Variants in VWF observed in about 807,000 individuals in gnomAD.
VWF encodes von Willebrand factor, also known as Factor VIII related antigen.
In VWF, 176 loss-of-function variants were observed where a neutral mutation model predicts 308.6. The ratio of observed to expected loss-of-function variants is 0.57; its 90% CI spans 0.50 to 0.65. The LOEUF (loss-of-function observed/expected upper bound fraction) is 0.65, where lower values mean the gene tolerates loss of function less well. Ranked by LOEUF, VWF falls within the 30% of genes least tolerant of loss-of-function variation. VWF has a pLI of 0.00. For synonymous variants in VWF, 1,385 were observed against 1,443.4 expected, an observed-to-expected ratio of 0.96 and a Z score of 0.92; for missense variants, 3,146 against 3,648.2, an observed-to-expected ratio of 0.86 and a Z score of 3.55.
At chr12:5,949,647 A>T (rs1489817134) in intron 51 of VWF, 139 bp downstream of exon 51, 2 of 781,244 alleles carry the variant, frequency 2.6e-6, no homozygotes, top group Non-Finnish European at 2.0e-6. Context: ...ACATTTGCTT[A>T]AAAAAAAATG....
chr12:6,010,345 G>A lies in VWF; in HGVS notation c.5842+1272C>T, dbSNP rs374520373. 3.9e-5 allele frequency among the ~76,000 whole-genome samples: 6 copies of A among 152,250 alleles called. No homozygotes were observed. The East Asian group carries it at 5.8e-4, about 15-fold the overall frequency. On this transcript the variant is annotated intron_variant, in intron 34 of 51. Transcript: ENST00000261405. Reference sequence around the variant, plus strand: ...AAAACTGTAACAACACACTCAGCAAGGCCGTGGAGATGCATGCACTCTCAT... The same window carrying A: ...AAAACTGTAACAACACACTCAGCAAAGCCGTGGAGATGCATGCACTCTCAT...
intron 18 of VWF, among the ~76,000 whole-genome samples, chr12:6,039,291 C>T (rs2136435032): frequency 6.6e-6 from 1 of 152,320 alleles, no homozygotes; most frequent in East Asian, 1.9e-4. Flanking sequence ...AGAACGTGGT[C>T]CTACGTGTTG....
rs182040614 is a variant in VWF, at chr12:6,041,377, C to T, written c.2442+2914G>A. ...CCTGGGAGGTGGGGGTTGCAGTGAG[C>T]CGAGACCATGCCACTGCACTGCAGC... On this transcript the variant is annotated intron_variant, in intron 18 of 51. Transcript: ENST00000261405. Among the ~76,000 whole-genome samples the T allele has an allele frequency of 2.6e-3, 387 of 151,642 alleles. 2 individuals are homozygous for T. The highest frequency in any genetic ancestry group is 8.8e-3 in the African/African-American group (366 of 41,404).
chr12:6,073,647 C>A lies in VWF; in HGVS notation c.969G>T (p.Glu323Asp). The A allele has an allele frequency of 6.2e-7, 1 of 1,614,162 alleles. No individual in the cohort carries two copies. Among genetic ancestry groups the A allele is most frequent in the Non-Finnish European group, 8.5e-7 (1 of 1,180,040 alleles). The change falls in exon 8 of 52, where the codon GAG becomes GAT. Residue 323 changes from glutamate to aspartate, a missense_variant. Physicochemically the swap from Glu to Asp is conservative, Grantham distance 45 (BLOSUM62 2). Around this residue, in one of 3 missense-constraint regions of VWF, gnomAD observed 1,304 missense variants for 1,353.0 expected, o/e 0.96. Coordinates refer to ENST00000261405, the MANE Select transcript of VWF (RefSeq NM_000552.5). ...GGCAGCTGCAGCCATCCACGCATCGCTCCTGACACATTTCATTGATGTGCA... is the reference window on the plus strand; with the variant it reads ...GGCAGCTGCAGCCATCCACGCATCGATCCTGACACATTTCATTGATGTGCA... The part of the protein sequence containing the change: ...QSLHINEMCQ[E>D]RCVDGCSCPE...
chr12:6,105,256 T>C (rs745599462), intron 5 of VWF, among the ~76,000 whole-genome samples: 33 of 152,062 alleles, frequency 2.2e-4, no homozygotes, highest in Admixed American at 3.9e-4. Flanking sequence ...TGAGACAGAG[T>C]CTCGCTTTGT....
At chr12:6,068,645 G>A (rs1260385568) in intron 10 of VWF, among the ~76,000 whole-genome samples, 1 of 151,476 alleles carries the variant, frequency 6.6e-6, no homozygotes, top group East Asian at 2.0e-4. Context: ...AATTTCTGTG[G>A]GTTTTTTGTT....
intron 34 of VWF, among the ~76,000 whole-genome samples, chr12:5,997,388 A>T (rs1943818044): frequency 6.6e-6 from 1 of 152,236 alleles, no homozygotes; most frequent in Non-Finnish European, 1.5e-5. Context: ...GTCTTAGCTC[A>T]CACAAGGCAA....
chr12:5,992,100 C>T, intron 37 of VWF, 82 bp from the exon 38 acceptor site: 2 of 1,376,214 alleles, frequency 1.5e-6, no homozygotes, highest in Non-Finnish European at 2.0e-6. Flanking sequence ...CATGGTTAAT[C>T]ATCAGACAAA....
At position 6,044,294 on chromosome 12, in the gene VWF, G is replaced by A. The variant is rs757149909; in HGVS notation, c.2439C>T (p.Gly813=). 1.9e-6 allele frequency: 3 copies of A among 1,614,070 alleles called. No individual in the cohort carries two copies. The highest frequency in any genetic ancestry group is 3.3e-5 in the Admixed American group (2 of 60,016). Residue 813 remains glycine, a synonymous_variant, in exon 18 of 52, where the codon GGC becomes GGT. Transcript: ENST00000261405. ...GCVSGCLCPP[G]MVRHENRCVA... ...AGCTCTGTGCCTGGTGACTCACCATGCCCGGGGGGCAGAGGCAGCCAGAGA... is the reference window on the plus strand; with the variant it reads ...AGCTCTGTGCCTGGTGACTCACCATACCCGGGGGGCAGAGGCAGCCAGAGA...
intron 6 of VWF, among the ~76,000 whole-genome samples, chr12:6,076,288 C>T (rs980987135): frequency 2.6e-5 from 4 of 152,190 alleles, no homozygotes; most frequent in Admixed American, 2.0e-4. Flanking sequence ...CGAGTATCAA[C>T]GACCCTACGT....
intron 24 of VWF, 61 bp from the exon 25 acceptor site, chr12:6,023,848 A>T (rs1452048655): frequency 6.3e-6 from 10 of 1,587,830 alleles, no homozygotes; most frequent in Non-Finnish European, 7.7e-6. Flanking sequence ...TCTGGCTCTT[A>T]GTCTGGGTGC....
At chr12:5,988,659 A>G (rs926875714) in intron 38 of VWF, among the ~76,000 whole-genome samples, 1 of 152,180 alleles carries the variant, frequency 6.6e-6, no homozygotes, top group African/African-American at 2.4e-5. Flanking sequence ...AAAGAATAAA[A>G]ATTAAAAATT....
intron 23 of VWF, 44 bp from the exon 24 acceptor site, chr12:6,025,737 C>A (rs1174680719): frequency 1.4e-6 from 2 of 1,380,024 alleles, no homozygotes; most frequent in African/African-American, 2.9e-5. Context: ...GCTGGTCAAA[C>A]TGGGGTTATT....
chr12:6,069,570 G>A (rs1944758007), intron 10 of VWF, among the ~76,000 whole-genome samples: 2 of 152,158 alleles, frequency 1.3e-5, no homozygotes, highest in Admixed American at 6.5e-5. Context: ...TGCCTGCTGA[G>A]TCATGGCAGG....
chr12:6,085,704 G>A (rs561948940), intron 6 of VWF, among the ~76,000 whole-genome samples: 2 of 147,372 alleles, frequency 1.4e-5, no homozygotes, highest in Non-Finnish European at 3.0e-5. Flanking sequence ...CACACACCAC[G>A]GCCTGTGGGC....
chr12:5,992,979 G>A (rs1483265119), intron 37 of VWF, among the ~76,000 whole-genome samples: 9 of 152,182 alleles, frequency 5.9e-5, no homozygotes, highest in Admixed American at 5.9e-4. Context: ...GGAACCTACA[G>A]GTTATCTAGG....
intron 9 of VWF, 58 bp downstream of exon 9, chr12:6,072,273 C>T: frequency 6.5e-7 from 1 of 1,542,160 alleles, no homozygotes. Flanking sequence ...GCTGACCCAG[C>T]TTCCCTCCCC....
chr12:6,097,648 C>G (rs1945119183), intron 5 of VWF, among the ~76,000 whole-genome samples: 1 of 152,068 alleles, frequency 6.6e-6, no homozygotes, highest in African/African-American at 2.4e-5. Context: ...CCTCCCAACA[C>G]CTTGATTGCA....
At chr12:6,106,890 A>AG (rs1476698391) in intron 5 of VWF, among the ~76,000 whole-genome samples, 1 of 151,236 alleles carries the variant, frequency 6.6e-6, no homozygotes, top group East Asian at 2.0e-4. Context: ...AAAAAAAAAA[A>AG]AAAAAAAAAG....
Sources: allele counts gnomAD v4.1 joint callset (sites outside exome capture counted in the v4.1 genomes callset), GRCh38; gene constraint gnomAD v4.1.1; regional missense constraint gnomAD v4.1.1; transcripts MANE v1.5; gene names NCBI Gene and HGNC (gene_info 2026-07-23, HGNC 2026-07-21).